SAMD5: variants seen among roughly 807,000 people sequenced by gnomAD.
SAMD5 encodes sterile alpha motif domain-containing protein 5.
In SAMD5, 13 loss-of-function variants were observed where a neutral mutation model predicts 11.3. The ratio of observed to expected loss-of-function variants is 1.15; its 90% CI spans 0.75 to 1.83. The LOEUF is 1.83. Ranked by LOEUF, SAMD5 falls within the 40% of genes most tolerant of loss-of-function variation. The pLI is 0.00. For synonymous variants in SAMD5, 129 were observed against 111.3 expected, an observed-to-expected ratio of 1.16 and a Z score of -1.00; for missense variants, 255 against 239.1, an observed-to-expected ratio of 1.07 and a Z score of -0.44.
At chr6:147,835,249 A>AAAAAC in the SAMD5 span, among the ~76,000 whole-genome samples, 3 of 150,998 alleles carry the variant, frequency 2.0e-5, no homozygotes, top group Non-Finnish European at 4.4e-5. Flanking sequence ...AAAAAAAACA[A>AAAAAC]AAAAAACAGT....
At chr6:147,524,933 G>A (rs750265806) in intron 1 of SAMD5, among the ~76,000 whole-genome samples, 19 of 151,912 alleles carry the variant, frequency 1.3e-4, no homozygotes, top group Non-Finnish European at 1.9e-4. Context: ...TATACACAGG[G>A]AAAATGAGGC....
the SAMD5 span, among the ~76,000 whole-genome samples, chr6:147,799,147 C>T: frequency 4.6e-5 from 7 of 151,660 alleles, no homozygotes; most frequent in East Asian, 1.4e-3. Flanking sequence ...TTAGTTGATG[C>T]AGTTTCTTCC....
At chr6:147,560,774 CT>C (rs1788935038) in intron 1 of SAMD5, among the ~76,000 whole-genome samples, 1 of 152,134 alleles carries the variant, frequency 6.6e-6, no homozygotes, top group African/African-American at 2.4e-5. Flanking sequence ...CTTTTACTGC[CT>C]CTCCCTGCTT....
At chr6:147,950,844 A>G in the SAMD5 span, among the ~76,000 whole-genome samples, 1,639 of 152,170 alleles carry the variant, frequency 0.011, 27 homozygotes, top group African/African-American at 0.038. Context: ...CTGCCTGCCA[A>G]GATTTTGAAA....
chr6:147,791,755 A>T, the SAMD5 span, among the ~76,000 whole-genome samples: 748 of 152,240 alleles, frequency 4.9e-3, 6 homozygotes, highest in Non-Finnish European at 8.0e-3. Flanking sequence ...CCAGATTTCA[A>T]TATTTGGGAT....
chr6:147,659,463 T>C (rs1012137641), intron 1 of SAMD5, among the ~76,000 whole-genome samples: 2 of 152,328 alleles, frequency 1.3e-5, no homozygotes, highest in African/African-American at 4.8e-5. Flanking sequence ...TCTAGCATTT[T>C]TGATCACCAA....
chr6:147,508,740 C>G lies in SAMD5; in HGVS notation c.-189C>G, dbSNP rs1312937532. 1.4e-4 allele frequency among the ~76,000 whole-genome samples: 21 copies of G among 152,268 alleles called. No individual in the cohort carries two copies. In the South Asian group the frequency reaches 3.9e-3, roughly 29 times the overall value. ...TGGGGAATTCACTTTGCTGCTTGTT[C>G]GCTTCTCCCTTCCTCAGGCTTCTTC... is the stretch of plus-strand genomic sequence containing the variant. On this transcript the variant is annotated 5_prime_UTR_variant, in exon 1 of 2. Transcript: ENST00000367474.
In SAMD5 at chr6:147,566,291, T is replaced by TA; in HGVS notation, c.*1835_*1836insA. ...ATATTCCAGTTAACCTTTCATCTTT[T>TA]TTTTTTTTCCAAATGAACTAGGGTC... On this transcript the variant is annotated 3_prime_UTR_variant, in exon 2 of 2. Coordinates refer to ENST00000367474, the MANE Select transcript of SAMD5 (RefSeq NM_001030060.3). 2.0e-6 allele frequency: 2 copies of TA among 980,566 alleles called. No homozygotes were observed. Among genetic ancestry groups the TA allele is most frequent in the Non-Finnish European group, 2.4e-6 (2 of 825,352 alleles). 60.7% of individuals were successfully genotyped at this position (980,566 alleles called of 1,614,324 possible).
intron 1 of SAMD5, among the ~76,000 whole-genome samples, chr6:147,609,087 T>TTAAC: frequency 6.6e-6 from 1 of 152,346 alleles, no homozygotes; most frequent in South Asian, 2.1e-4. Flanking sequence ...TGTTCTGAGC[T>TTAAC]TAACTGTGTT....
At chr6:147,585,584 C>G (rs1014932777) in intron 1 of SAMD5, among the ~76,000 whole-genome samples, 1 of 152,086 alleles carries the variant, frequency 6.6e-6, no homozygotes, top group Admixed American at 6.5e-5. Flanking sequence ...AATTGCTATT[C>G]TAGCATAGGA....
chr6:147,713,199 C>T (rs150650443), intron 1 of SAMD5, among the ~76,000 whole-genome samples: 4 of 152,298 alleles, frequency 2.6e-5, no homozygotes, highest in Admixed American at 2.6e-4. Flanking sequence ...CACAAGCTTT[C>T]CTGACATACA....
At chr6:147,634,575 G>C (rs1241707040) in intron 1 of SAMD5, among the ~76,000 whole-genome samples, 2 of 152,202 alleles carry the variant, frequency 1.3e-5, no homozygotes, top group African/African-American at 4.8e-5. Context: ...TTACAGCAGA[G>C]TAATATTTCA....
chr6:147,751,207 G>A, the SAMD5 span, among the ~76,000 whole-genome samples: 7 of 152,066 alleles, frequency 4.6e-5, no homozygotes, highest in Non-Finnish European at 1.0e-4. Context: ...TTTCTCATGA[G>A]GGCTTCTTTG....
intron 1 of SAMD5, among the ~76,000 whole-genome samples, chr6:147,624,701 A>G (rs1227456458): frequency 1.3e-5 from 2 of 152,098 alleles, no homozygotes; most frequent in African/African-American, 4.8e-5. Flanking sequence ...ACATGATACA[A>G]TGGACTTTTG....
the SAMD5 span, among the ~76,000 whole-genome samples, chr6:147,866,387 A>G: frequency 6.6e-6 from 1 of 152,216 alleles, no homozygotes; most frequent in African/African-American, 2.4e-5. Flanking sequence ...CATTCCCTCC[A>G]GGAAGACAGG....
intron 1 of SAMD5, among the ~76,000 whole-genome samples, chr6:147,657,462 C>CGA (rs137964622): frequency 2.0e-5 from 3 of 151,390 alleles, no homozygotes; most frequent in Non-Finnish European, 4.4e-5. Flanking sequence ...TGAGAGAGAG[C>CGA]GAGAGAGAGA....
chr6:147,843,634 A>C, the SAMD5 span, among the ~76,000 whole-genome samples: 2 of 152,216 alleles, frequency 1.3e-5, no homozygotes, highest in African/African-American at 4.8e-5. Flanking sequence ...TGATACTGGC[A>C]TAAAAACAGA....
chr6:147,570,225 G>T (rs894800459), downstream of SAMD5, among the ~76,000 whole-genome samples: 2 of 152,158 alleles, frequency 1.3e-5, no homozygotes, highest in African/African-American at 4.8e-5. Flanking sequence ...TACGAGCTGG[G>T]ATCCTTTGGT....
chr6:147,884,763 A>G, the SAMD5 span, among the ~76,000 whole-genome samples: 1 of 152,210 alleles, frequency 6.6e-6, no homozygotes, highest in Non-Finnish European at 1.5e-5. Flanking sequence ...AATTACCTGA[A>G]TCCATTTAAT....
Sources: allele counts gnomAD v4.1 joint callset (sites outside exome capture counted in the v4.1 genomes callset), GRCh38; gene constraint gnomAD v4.1.1; transcripts MANE v1.5; gene names NCBI Gene and HGNC (gene_info 2026-07-23, HGNC 2026-07-21).